Variants in RGL1 observed in about 807,000 individuals in gnomAD.
RGL1 encodes ral guanine nucleotide dissociation stimulator-like 1.
In RGL1, 24 loss-of-function variants were observed where a neutral mutation model predicts 95.2. The ratio of observed to expected loss-of-function variants is 0.25; its 90% CI spans 0.18 to 0.35. RGL1 has a LOEUF of 0.35. RGL1 is among the 10% of genes least tolerant of loss of function. The probability of loss-of-function intolerance (pLI) is 1.00; values close to 1 mark genes in which losing one functional copy is unlikely to be tolerated. For synonymous variants in RGL1, 329 were observed against 344.9 expected (o/e 0.95, Z 0.51); for missense variants, 715 against 936.3 (o/e 0.76, Z 3.08).
rs116642303 is a variant in RGL1, at chr1:183,845,721, A to G, written c.139-1845A>G. On this transcript the variant is annotated intron_variant, in intron 2 of 17. Coordinates refer to ENST00000360851, the MANE Select transcript of RGL1 (RefSeq NM_001297671.3). ...ATGCACATTGCCGTCTGTGGACTGA[A>G]GAAAGTCAGATCATGATTCCATCTC... Among the ~76,000 whole-genome samples, 132 of 152,340 alleles carry G rather than the reference A, an allele frequency of 8.7e-4. 1 individual carries two copies. The highest frequency in any genetic ancestry group is 3.0e-3 in the African/African-American group (126 of 41,584).
intron 2 of RGL1, among the ~76,000 whole-genome samples, chr1:183,775,308 A>G (rs1038846481): frequency 1.3e-5 from 2 of 152,214 alleles, no homozygotes; most frequent in Non-Finnish European, 2.9e-5. Flanking sequence ...AGAAACTTCT[A>G]TGGTGTATAT....
chr1:183,805,941 CT>C lies in RGL1; in HGVS notation c.28-427del, dbSNP rs1406691422. ...CTAAAAAGTACAGACTTATTCTTTT[CT>C]TTTTTTCTTTTTCTTTTTCTTTTCT... On this transcript the variant is annotated intron_variant, in intron 1 of 17. Coordinates refer to ENST00000360851, the MANE Select transcript of RGL1 (RefSeq NM_001297671.3). Among the ~76,000 whole-genome samples, 179 of 81,050 alleles carry C rather than the reference CT, an allele frequency of 2.2e-3. 1 individual carries two copies. The highest frequency in any genetic ancestry group is 2.9e-3 in the Non-Finnish European group (104 of 35,844). The allele number at this position is 81,050 out of a possible 152,430, so 53.2% of individuals were successfully genotyped here. A position where few individuals can be genotyped will look rare whatever the true frequency, so the allele number is the denominator to read the frequency against.
chr1:183,767,487 C>T (rs1164746147), intron 2 of RGL1, among the ~76,000 whole-genome samples: 1 of 152,060 alleles, frequency 6.6e-6, no homozygotes, highest in Non-Finnish European at 1.5e-5. Flanking sequence ...CCACCAACGC[C>T]CCTATACATT....
Position 183,890,704 on chromosome 1 carries a change from C to G in RGL1, c.1056-1373C>G, listed in dbSNP as rs576162472. 1.4e-4 allele frequency among the ~76,000 whole-genome samples: 21 copies of G among 152,212 alleles called. No individual in the cohort carries two copies. In the South Asian group the frequency reaches 4.3e-3, roughly 32 times the overall value. On this transcript the variant is annotated intron_variant, in intron 8 of 17. Transcript: ENST00000360851. ...AAACATGCTAAATTTAAAAAGCCAG[C>G]CACAACAGCTACGTATCATATACTT...
intron 7 of RGL1, among the ~76,000 whole-genome samples, chr1:183,887,471 T>C (rs61809236): frequency 0.041 from 6,231 of 152,150 alleles, 213 homozygotes; most frequent in Non-Finnish European, 0.063. Context: ...ACTTCTTACC[T>C]GAGATACTCT....
intron 13 of RGL1, among the ~76,000 whole-genome samples, chr1:183,906,753 T>A (rs756117023): frequency 4.0e-5 from 6 of 151,284 alleles, no homozygotes; most frequent in Non-Finnish European, 7.4e-5. Context: ...GCATATATCC[T>A]TGTATTTGAA....
At chr1:183,786,667 C>G (rs1454528505) in intron 2 of RGL1, among the ~76,000 whole-genome samples, 1 of 152,082 alleles carries the variant, frequency 6.6e-6, no homozygotes, top group Admixed American at 6.5e-5. Context: ...ATAAAATGCC[C>G]TAAGTCCTAA....
chr1:183,714,490 G>A (rs1655495554), intron 1 of RGL1, among the ~76,000 whole-genome samples: 1 of 152,222 alleles, frequency 6.6e-6, no homozygotes, highest in African/African-American at 2.4e-5. Context: ...AAGGGAAGAT[G>A]ATGCTTTTGA....
intron 1 of RGL1, among the ~76,000 whole-genome samples, chr1:183,645,708 T>C (rs1003875119): frequency 2.6e-5 from 4 of 152,222 alleles, no homozygotes; most frequent in African/African-American, 9.6e-5. Context: ...CTATATGCCT[T>C]CTTATAGCAG....
chr1:183,900,126 A>G (rs781533137), intron 10 of RGL1, 24 bp from the exon 11 acceptor site: 54 of 1,593,946 alleles, frequency 3.4e-5, no homozygotes, highest in Non-Finnish European at 4.6e-5. Flanking sequence ...CAATAAAGAC[A>G]GTTTTGCTTT....
At chr1:183,736,066 C>A (rs894192542) in intron 1 of RGL1, among the ~76,000 whole-genome samples, 6 of 152,206 alleles carry the variant, frequency 3.9e-5, no homozygotes, top group Non-Finnish European at 8.8e-5. Context: ...AGCACACTTA[C>A]AATAGACTAC....
chr1:183,681,743 C>G lies in RGL1; in HGVS notation c.-33+45242C>G, dbSNP rs537589345. Among the ~76,000 whole-genome samples the G allele has an allele frequency of 9.6e-4, 146 of 152,240 alleles. 1 individual carries two copies. Among genetic ancestry groups the G allele is most frequent in the African/African-American group, 3.4e-3 (143 of 41,576 alleles). ...TTCTATTGTTTGGAATAGTTTCAGA[C>G]AGAATGATACCACCTCCTCTATGAA... On this transcript the variant is annotated intron_variant, in intron 1 of 18. Transcript: ENST00000304685.
At chr1:183,686,842 T>C (rs1653618718) in intron 1 of RGL1, among the ~76,000 whole-genome samples, 1 of 152,178 alleles carries the variant, frequency 6.6e-6, no homozygotes, top group Non-Finnish European at 1.5e-5. Context: ...TCCGCCTCAG[T>C]GCCATCTCAA....
intron 1 of RGL1, among the ~76,000 whole-genome samples, chr1:183,737,140 A>G (rs10911427): frequency 0.46 from 70,717 of 152,126 alleles, 17,363 homozygotes; most frequent in East Asian, 0.8. Context: ...TTTTAAAGCC[A>G]TGTTTCAAAA....
rs4650 is a variant in RGL1, at chr1:183,927,827, T to C, written c.*1535T>C. ...TGTAACATGGAGCTATTTTTTTTTCTTAATCCCATAATACAGCTCCTAAAA... is the reference window on the plus strand; with the variant it reads ...TGTAACATGGAGCTATTTTTTTTTCCTAATCCCATAATACAGCTCCTAAAA... On this transcript the variant is annotated 3_prime_UTR_variant, in exon 18 of 18. Transcript: ENST00000360851. 0.58 allele frequency: 88,875 copies of C among 152,376 alleles called. 25,993 individuals are homozygous for C. The highest frequency in any genetic ancestry group is 0.62 in the African/African-American group (25,711 of 41,428). 9.4% of individuals were successfully genotyped at this position (152,376 alleles called of 1,614,324 possible).
chr1:183,725,373 C>A (rs561766414), intron 1 of RGL1, among the ~76,000 whole-genome samples: 9 of 152,142 alleles, frequency 5.9e-5, no homozygotes, highest in Non-Finnish European at 1.0e-4. Flanking sequence ...AGGAAACTTA[C>A]AATCATGGCA....
At chr1:183,730,425 C>T (rs114013585) in intron 1 of RGL1, among the ~76,000 whole-genome samples, 171 of 152,244 alleles carry the variant, frequency 1.1e-3, no homozygotes, top group African/African-American at 4.0e-3. Flanking sequence ...TCACTACCTC[C>T]CCTCTCTGAG....
At chr1:183,816,874 C>A (rs565900625) in intron 2 of RGL1, among the ~76,000 whole-genome samples, 2 of 152,126 alleles carry the variant, frequency 1.3e-5, no homozygotes, top group Non-Finnish European at 2.9e-5. Context: ...CTGCTACCAC[C>A]GTTGTCCCCA....
intron 12 of RGL1, among the ~76,000 whole-genome samples, chr1:183,903,220 A>T (rs1668124987): frequency 6.6e-6 from 1 of 152,156 alleles, no homozygotes; most frequent in East Asian, 1.9e-4. Flanking sequence ...AGAAGAGTTA[A>T]TAAAGATGGT....
Sources: allele counts gnomAD v4.1 joint callset (sites outside exome capture counted in the v4.1 genomes callset), GRCh38; gene constraint gnomAD v4.1.1; transcripts MANE v1.5; gene names NCBI Gene and HGNC (gene_info 2026-07-23, HGNC 2026-07-21).